The following PLCB4 variants were observed in gnomAD, a reference collection of about 807,000 sequenced individuals.
The protein encoded by PLCB4 is phospholipase C beta 4, also known as 1-phosphatidylinositol 4,5-bisphosphate phosphodiesterase beta-4.
Under a neutral mutation model 178.8 loss-of-function variants are expected in PLCB4, and 77 were observed. The ratio of observed to expected loss-of-function variants is 0.43; its 90% confidence interval spans 0.36 to 0.52. The LOEUF (loss-of-function observed/expected upper bound fraction) is 0.52. Among genes scored for constraint, PLCB4 ranks in the 20% least tolerant of loss-of-function variants. The pLI is 0.00. For synonymous variants in PLCB4, 496 were observed against 490.8 expected (o/e 1.01, Z -0.14); for missense variants, 1,024 against 1,453.4 (o/e 0.70, Z 4.80).
chr20:9,136,562 A>G lies in PLCB4; in HGVS notation c.-79+40220A>G, dbSNP rs527931795. Among the ~76,000 whole-genome samples, 123 of 152,180 alleles carry G rather than the reference A, an allele frequency of 8.1e-4. 2 individuals are homozygous for G. Among genetic ancestry groups the G allele is most frequent in the African/African-American group, 2.8e-3 (117 of 41,542 alleles). ...TGAAAAGTCTACAAAAGAGGGTTTCAGTTCCTAGAGGAAGGCTTTTTAAGT... is the reference window on the plus strand; with the variant it reads ...TGAAAAGTCTACAAAAGAGGGTTTCGGTTCCTAGAGGAAGGCTTTTTAAGT... On this transcript the variant is annotated intron_variant, in intron 2 of 39. Coordinates refer to ENST00000378473, the MANE Select transcript of PLCB4 (RefSeq NM_001377142.1).
intron 19 of PLCB4, among the ~76,000 whole-genome samples, chr20:9,396,427 G>T (rs1399560725): frequency 1.3e-5 from 2 of 152,194 alleles, no homozygotes; most frequent in Non-Finnish European, 2.9e-5. Context: ...TTATCTCTGT[G>T]TAGCTAGATA....
intron 3 of PLCB4, among the ~76,000 whole-genome samples, chr20:9,290,724 T>C (rs2094573064): frequency 6.6e-6 from 1 of 152,156 alleles, no homozygotes; most frequent in South Asian, 2.1e-4. Context: ...GCTTGGCCCA[T>C]CTGAATGTGG....
At chr20:9,248,050 C>A (rs981829604) in intron 3 of PLCB4, among the ~76,000 whole-genome samples, 3 of 152,088 alleles carry the variant, frequency 2.0e-5, no homozygotes, top group African/African-American at 7.2e-5. Context: ...ACACTGAGAA[C>A]TGTAGTATTG....
At chr20:9,204,745 T>C (rs904923680) in intron 2 of PLCB4, among the ~76,000 whole-genome samples, 13 of 152,098 alleles carry the variant, frequency 8.5e-5, no homozygotes, top group South Asian at 2.1e-4. Context: ...AGACTGCCAC[T>C]GGATGGGACT....
chr20:9,225,827 A>C (rs929029700), intron 3 of PLCB4, among the ~76,000 whole-genome samples: 1 of 152,242 alleles, frequency 6.6e-6, no homozygotes, highest in African/African-American at 2.4e-5. Flanking sequence ...TATATCAATA[A>C]AATGTTTAAA....
rs572028100 is a variant in PLCB4, at chr20:9,195,750, G to T, written c.-78-21640G>T. Among the ~76,000 whole-genome samples the T allele has an allele frequency of 2.6e-5, 4 of 151,986 alleles. 1 individual carries two copies. Among genetic ancestry groups the T allele is most frequent in the Non-Finnish European group, 5.9e-5 (4 of 67,994 alleles). On this transcript the variant is annotated intron_variant, in intron 2 of 39. Transcript: ENST00000378473. ...CTCCAACAGATTGTGGGACTTCTTGGCCTCCCTAACTGCATGAGCCAATTC... is the reference window on the plus strand; with the variant it reads ...CTCCAACAGATTGTGGGACTTCTTGTCCTCCCTAACTGCATGAGCCAATTC...
At chr20:9,448,854 G>A (rs1337334358) in intron 32 of PLCB4, among the ~76,000 whole-genome samples, 1 of 152,086 alleles carries the variant, frequency 6.6e-6, no homozygotes, top group Non-Finnish European at 1.5e-5. Context: ...AAACTTGCAG[G>A]TTAGCTACCA....
intron 2 of PLCB4, among the ~76,000 whole-genome samples, chr20:9,156,773 A>C (rs983034630): frequency 4.8e-5 from 7 of 146,130 alleles, no homozygotes; most frequent in Non-Finnish European, 7.4e-5. Context: ...TGCAATCAGC[A>C]TTAATTTTAT....
intron 1 of PLCB4, among the ~76,000 whole-genome samples, chr20:9,087,017 G>T (rs571245082): frequency 1.3e-5 from 2 of 152,134 alleles, no homozygotes; most frequent in Admixed American, 6.5e-5. Context: ...CTTACTGTTT[G>T]CATGATATAA....
intron 2 of PLCB4, chr20:9,166,525 C>T (rs897729683): frequency 6.6e-6 from 1 of 152,102 alleles, no homozygotes; most frequent in African/African-American, 2.4e-5. Context: ...CGTTATAGTC[C>T]CTGGCTTCTC....
chr20:9,324,247 G>A (rs2030004862), intron 4 of PLCB4, among the ~76,000 whole-genome samples: 1 of 151,658 alleles, frequency 6.6e-6, no homozygotes, highest in African/African-American at 2.4e-5. Context: ...CCAACATGGT[G>A]AAACCCTGTC....
chr20:9,350,451 C>T (rs568856626), intron 7 of PLCB4, among the ~76,000 whole-genome samples: 42 of 152,308 alleles, frequency 2.8e-4, no homozygotes, highest in African/African-American at 8.7e-4. Flanking sequence ...CAAGGCCATA[C>T]GTCCAGTAAG....
intron 15 of PLCB4, among the ~76,000 whole-genome samples, chr20:9,389,247 TG>T (rs1212554333): frequency 1.3e-5 from 2 of 152,170 alleles, no homozygotes; most frequent in African/African-American, 4.8e-5. Flanking sequence ...GTGTTACAGA[TG>T]GGGGGTCAAG....
intron 4 of PLCB4, among the ~76,000 whole-genome samples, chr20:9,318,862 C>T (rs1278811668): frequency 6.6e-6 from 1 of 152,202 alleles, no homozygotes. Context: ...AATTACAGTG[C>T]TGATTCTCTA....
intron 2 of PLCB4, among the ~76,000 whole-genome samples, chr20:9,186,291 G>GT (rs1304688238): frequency 6.6e-6 from 1 of 152,078 alleles, no homozygotes; most frequent in East Asian, 1.9e-4. Context: ...TCAAAAGAAA[G>GT]TTTTTTAAAA....
At chr20:9,198,035 T>C (rs1411448920) in intron 2 of PLCB4, among the ~76,000 whole-genome samples, 4 of 152,078 alleles carry the variant, frequency 2.6e-5, no homozygotes, top group Admixed American at 2.6e-4. Flanking sequence ...TCAGGAGAAC[T>C]TCTGAGCTGA....
At chr20:9,172,604 T>C (rs1267461392) in intron 2 of PLCB4, among the ~76,000 whole-genome samples, 2 of 148,974 alleles carry the variant, frequency 1.3e-5, no homozygotes, top group Non-Finnish European at 3.0e-5. Flanking sequence ...TTAACACTTA[T>C]TTTGCATTTC....
At chr20:9,350,373 G>T (rs910664161) in intron 7 of PLCB4, among the ~76,000 whole-genome samples, 1 of 152,108 alleles carries the variant, frequency 6.6e-6, no homozygotes, top group African/African-American at 2.4e-5. Context: ...AAGTCTGTGG[G>T]ATAGGTATTA....
intron 3 of PLCB4, among the ~76,000 whole-genome samples, chr20:9,301,201 G>T (rs1036353522): frequency 1.3e-5 from 2 of 151,836 alleles, no homozygotes; most frequent in Non-Finnish European, 2.9e-5. Flanking sequence ...AATCTCATCT[G>T]CTAAGTCCCT....
Sources: gnomAD v4.1 joint callset for allele counts (sites outside exome capture counted in the v4.1 genomes callset) on GRCh38, gnomAD v4.1.1 for gene constraint, MANE v1.5 for transcripts, NCBI Gene and HGNC (gene_info 2026-07-23, HGNC 2026-07-21) for gene names.